GALNT16: variants seen among roughly 807,000 people sequenced by gnomAD.
GALNT16 encodes the protein polypeptide N-acetylgalactosaminyltransferase 16.
Under a neutral mutation model 76.1 loss-of-function variants are expected in GALNT16, and 40 were observed. The observed-to-expected ratio is 0.53, with a 90% CI of 0.41 to 0.68. GALNT16 has a LOEUF of 0.68. Ranked by LOEUF, GALNT16 falls within the 30% of genes least tolerant of loss-of-function variation. The pLI is 0.00. For missense variants in GALNT16, 621 were observed against 731.9 expected, an observed-to-expected ratio of 0.85 and a Z score of 1.75; for synonymous variants, 276 against 285.2, an observed-to-expected ratio of 0.97 and a Z score of 0.32.
At chr14:69,374,799 G>A in the GALNT16 span, among the ~76,000 whole-genome samples, 5 of 152,202 alleles carry the variant, frequency 3.3e-5, no homozygotes, top group African/African-American at 9.7e-5. Context: ...GGAAGTCCAA[G>A]AGCATGGCAC....
At chr14:69,350,728 T>C (rs1469164477) in intron 14 of GALNT16, 1 of 152,304 alleles carries the variant, frequency 6.6e-6, no homozygotes, top group African/African-American at 2.4e-5. Flanking sequence ...CCAACTGCCC[T>C]CAGAGCCCTC....
chr14:69,267,984 T>C (rs1280472624), intron 1 of GALNT16, among the ~76,000 whole-genome samples: 3 of 152,188 alleles, frequency 2.0e-5, no homozygotes, highest in Non-Finnish European at 4.4e-5. Flanking sequence ...CGACCACATG[T>C]ATTAAGAAGG....
chr14:69,337,797 G>A (rs965726603), intron 9 of GALNT16, among the ~76,000 whole-genome samples: 2 of 152,172 alleles, frequency 1.3e-5, no homozygotes, highest in Non-Finnish European at 2.9e-5. Flanking sequence ...CCCTTTGCTA[G>A]TTACTGGGAG....
At chr14:69,384,478 C>G in the GALNT16 span, among the ~76,000 whole-genome samples, 2 of 152,186 alleles carry the variant, frequency 1.3e-5, no homozygotes, top group Non-Finnish European at 2.9e-5. Flanking sequence ...TAACCACAGC[C>G]TCCCAAGACA....
rs574511287 is a variant in GALNT16, at chr14:69,333,680, G to C, written c.967+80G>C. 3.7e-5 allele frequency: 29 copies of C among 774,110 alleles called. No homozygotes were observed. The East Asian group carries it at 6.8e-4, about 18-fold the overall frequency. The allele number at this position is 774,110 out of a possible 1,614,324, so 48.0% of individuals were successfully genotyped here. On this transcript the variant is annotated intron_variant, in intron 9 of 14. Coordinates refer to ENST00000448469, the MANE Select transcript of GALNT16 (RefSeq NM_001168368.2). The surrounding 1 kb of genome is among the most constrained non-coding windows in gnomAD (Gnocchi z 4.2). ...AACCCTGACAGAGCACTTTCTATGC[G>C]TGAGGACCTGCTCTAAGGACTTTAC...
intron 1 of GALNT16, among the ~76,000 whole-genome samples, chr14:69,276,421 G>A (rs746934567): frequency 1.3e-5 from 2 of 152,116 alleles, no homozygotes; most frequent in Non-Finnish European, 2.9e-5. Flanking sequence ...GGTGGCGCAC[G>A]CCTGTAATCC....
the GALNT16 span, among the ~76,000 whole-genome samples, chr14:69,369,077 G>A: frequency 1.3e-5 from 2 of 152,186 alleles, no homozygotes; most frequent in East Asian, 1.9e-4. Context: ...CATTTGTAAC[G>A]AGAGAATGAT....
chr14:69,281,051 G>C (rs1469303980), intron 1 of GALNT16, among the ~76,000 whole-genome samples: 3 of 151,704 alleles, frequency 2.0e-5, no homozygotes, highest in African/African-American at 4.8e-5. Flanking sequence ...GGCAGCAGCT[G>C]CTGTGCACCA....
intron 1 of GALNT16, among the ~76,000 whole-genome samples, chr14:69,273,322 G>C (rs1241965689): frequency 6.6e-6 from 1 of 152,188 alleles, no homozygotes; most frequent in African/African-American, 2.4e-5. Flanking sequence ...TGCTTTTGGT[G>C]TTTCGTCTTT....
chr14:69,365,175 T>C, the GALNT16 span, among the ~76,000 whole-genome samples: 3 of 152,226 alleles, frequency 2.0e-5, no homozygotes, highest in African/African-American at 7.2e-5. Flanking sequence ...GTCCCTAAAC[T>C]GTTTCCAAAT....
chr14:69,272,312 A>C (rs2044415991), intron 1 of GALNT16, among the ~76,000 whole-genome samples: 1 of 152,148 alleles, frequency 6.6e-6, no homozygotes, highest in African/African-American at 2.4e-5. Flanking sequence ...GCAGTGAGCC[A>C]AGATCGTGCC....
chr14:69,320,595 G>C, intron 1 of GALNT16, 116 bp from the exon 2 acceptor site: 1 of 760,798 alleles, frequency 1.3e-6, no homozygotes, highest in Non-Finnish European at 2.2e-6. Context: ...TCATAGAGTT[G>C]GCGTAAGGCA....
intron 5 of GALNT16, among the ~76,000 whole-genome samples, chr14:69,327,664 A>T (rs1315673579): frequency 6.6e-6 from 1 of 152,234 alleles, no homozygotes; most frequent in East Asian, 1.9e-4. Context: ...AATGTCTCCA[A>T]GGAGCTGCTT....
chr14:69,267,778 C>G (rs926291300), intron 1 of GALNT16, among the ~76,000 whole-genome samples: 1 of 152,058 alleles, frequency 6.6e-6, no homozygotes. Context: ...GTCAGTCCCA[C>G]TCCCTGGACC....
chr14:69,360,600 T>A (rs1555403107), downstream of GALNT16, among the ~76,000 whole-genome samples: 1 of 120,658 alleles, frequency 8.3e-6, no homozygotes, highest in Non-Finnish European at 1.7e-5. Flanking sequence ...AGAGTGAGAC[T>A]GTCTAAAAAA....
intron 1 of GALNT16, among the ~76,000 whole-genome samples, chr14:69,319,229 C>T (rs981292634): frequency 2.0e-5 from 3 of 152,216 alleles, no homozygotes; most frequent in African/African-American, 7.2e-5. Flanking sequence ...TACAGAGTGG[C>T]AGCAGTTCAG....
intron 1 of GALNT16, among the ~76,000 whole-genome samples, chr14:69,298,174 G>C (rs2044794802): frequency 6.6e-6 from 1 of 152,256 alleles, no homozygotes; most frequent in Non-Finnish European, 1.5e-5. Context: ...GGGCAGAGGA[G>C]TTACAGCCTC....
At chr14:69,325,867 C>A in intron 4 of GALNT16, 95 bp from the exon 5 acceptor site, 1 of 945,392 alleles carries the variant, frequency 1.1e-6, no homozygotes, top group Non-Finnish European at 1.7e-6. Flanking sequence ...CAACCCTTTC[C>A]TGGGCTTAGT....
the GALNT16 span, among the ~76,000 whole-genome samples, chr14:69,372,922 T>A: frequency 6.6e-6 from 1 of 152,194 alleles, no homozygotes; most frequent in African/African-American, 2.4e-5. Context: ...AACCTCCCAT[T>A]GGGATTTGCA....
Sources: gnomAD v4.1 joint callset for allele counts (sites outside exome capture counted in the v4.1 genomes callset) on GRCh38, gnomAD v4.1.1 for gene constraint, Gnocchi (gnomAD v3.1) non-coding constraint, MANE v1.5 for transcripts, NCBI Gene and HGNC (gene_info 2026-07-23, HGNC 2026-07-21) for gene names.